Variants in TNS3 observed in about 807,000 individuals in gnomAD.
TNS3 encodes tensin 3.
A neutral mutation model predicts 140.9 loss-of-function variants in TNS3; 45 were observed. The observed-to-expected ratio is 0.32, with a 90% CI of 0.25 to 0.41. TNS3 has a LOEUF of 0.41. Ranked by LOEUF, TNS3 falls within the 10% of genes least tolerant of loss-of-function variation. The pLI, the probability that TNS3 is intolerant of heterozygous loss-of-function variation, is 1.00. For synonymous variants in TNS3, 815 were observed against 788.4 expected, an observed-to-expected ratio of 1.03 and a Z score of -0.56; for missense variants, 1,716 against 1,906.7, an observed-to-expected ratio of 0.90 and a Z score of 1.86.
intron 17 of TNS3, among the ~76,000 whole-genome samples, chr7:47,357,413 T>G (rs1294578695): frequency 6.6e-6 from 1 of 152,044 alleles, no homozygotes; most frequent in Non-Finnish European, 1.5e-5. Flanking sequence ...TTCGAGACAG[T>G]GTGTAAAAGG....
At chr7:47,415,620 C>G (rs551366187) in intron 10 of TNS3, among the ~76,000 whole-genome samples, 1 of 152,258 alleles carries the variant, frequency 6.6e-6, no homozygotes, top group Non-Finnish European at 1.5e-5. Flanking sequence ...TCACATGACC[C>G]AGGCCCAGAA....
chr7:47,333,464 G>A (rs989070169), intron 20 of TNS3, among the ~76,000 whole-genome samples: 1 of 152,144 alleles, frequency 6.6e-6, no homozygotes, highest in Non-Finnish European at 1.5e-5. Flanking sequence ...TAAACCCATG[G>A]AGAAATCCAT....
intron 1 of TNS3, among the ~76,000 whole-genome samples, chr7:47,576,408 C>G (rs1800676850): frequency 6.6e-6 from 1 of 152,210 alleles, no homozygotes; most frequent in African/African-American, 2.4e-5. Flanking sequence ...TCACAATAAC[C>G]CCAGGACCTC....
intron 4 of TNS3, among the ~76,000 whole-genome samples, chr7:47,472,270 G>A (rs574477591): frequency 1.5e-4 from 23 of 152,248 alleles, no homozygotes; most frequent in African/African-American, 3.6e-4. Flanking sequence ...CATGAATTTC[G>A]GGGGAACACA....
At chr7:47,551,176 G>C (rs10464238) in intron 1 of TNS3, among the ~76,000 whole-genome samples, 46,142 of 152,162 alleles carry the variant, frequency 0.3, 7,178 homozygotes, top group East Asian at 0.41. Flanking sequence ...AAATGGGCAA[G>C]GTGGGCTCCC....
intron 17 of TNS3, among the ~76,000 whole-genome samples, chr7:47,356,562 C>T (rs1321715377): frequency 6.6e-6 from 1 of 152,182 alleles, no homozygotes; most frequent in Non-Finnish European, 1.5e-5. Flanking sequence ...AACCTCTGTT[C>T]TAAAAGAGAC....
intron 2 of TNS3, among the ~76,000 whole-genome samples, chr7:47,517,521 C>A (rs1157194248): frequency 1.3e-5 from 2 of 152,204 alleles, no homozygotes; most frequent in South Asian, 2.1e-4. Flanking sequence ...TAATACTCAC[C>A]AAACTAAATA....
intron 3 of TNS3, among the ~76,000 whole-genome samples, chr7:47,484,584 GAC>G (rs754587202): frequency 5.9e-5 from 9 of 152,184 alleles, no homozygotes; most frequent in Non-Finnish European, 1.0e-4. Flanking sequence ...GCATTTGCTG[GAC>G]AGTCAAGTGT....
intron 6 of TNS3, 116 bp from the exon 7 acceptor site, chr7:47,437,429 A>G (rs555873434): frequency 1.1e-5 from 4 of 357,974 alleles, no homozygotes; most frequent in African/African-American, 8.7e-5. Flanking sequence ...AATATCTAAA[A>G]TCTTCACACT....
Position 47,499,101 on chromosome 7 carries a change from T to C in TNS3, c.-115+7806A>G, listed in dbSNP as rs970676958. Among the ~76,000 whole-genome samples, 2 of 152,224 alleles carry C rather than the reference T, an allele frequency of 1.3e-5. 1 individual carries two copies. Among genetic ancestry groups the C allele is most frequent in the Admixed American group, 1.3e-4 (2 of 15,292 alleles). ...AATTCTTTTGTACAAAGTATAATTG[T>C]GCTGACATGAAAAGCCAAATGTGGC... On this transcript the variant is annotated intron_variant, in intron 3 of 30. Coordinates refer to ENST00000311160, the MANE Select transcript of TNS3 (RefSeq NM_022748.12).
At chr7:47,338,829 A>C (rs1562608548) in intron 20 of TNS3, among the ~76,000 whole-genome samples, 1 of 152,160 alleles carries the variant, frequency 6.6e-6, no homozygotes, top group Non-Finnish European at 1.5e-5. Flanking sequence ...TTTTGGTAGA[A>C]TGATTTTTTT....
rs141621795 is a variant in TNS3 at position 47,421,079 on chromosome 7, C to A, written c.473+3022G>T. Among the ~76,000 whole-genome samples the A allele has an allele frequency of 5.5e-3, 835 of 152,304 alleles. 7 individuals carry two copies. The highest frequency in any genetic ancestry group is 0.018 in the African/African-American group (729 of 41,558). On this transcript the variant is annotated intron_variant, in intron 10 of 30. Coordinates refer to ENST00000311160, the MANE Select transcript of TNS3 (RefSeq NM_022748.12). ...GCAGGCAACACTCAGGAGAGATCAGCTCCCCAAAGAAACAACTGGCTACCT... is the reference window on the plus strand; with the variant it reads ...GCAGGCAACACTCAGGAGAGATCAGATCCCCAAAGAAACAACTGGCTACCT...
At chr7:47,474,561 A>G in intron 4 of TNS3, among the ~76,000 whole-genome samples, 1 of 150,776 alleles carries the variant, frequency 6.6e-6, no homozygotes, top group South Asian at 2.1e-4. Flanking sequence ...CACACACAGC[A>G]CAACACACAC....
intron 4 of TNS3, among the ~76,000 whole-genome samples, chr7:47,464,375 G>A (rs1796615614): frequency 6.6e-6 from 1 of 152,168 alleles, no homozygotes; most frequent in African/African-American, 2.4e-5. Flanking sequence ...GAGTTTCTCA[G>A]GTGGAAGGAA....
intron 17 of TNS3, among the ~76,000 whole-genome samples, chr7:47,361,216 A>AAAAAAAAAAAAAAAAAAAAAAC (rs1790305357): frequency 1.4e-5 from 2 of 146,794 alleles, no homozygotes; most frequent in Admixed American, 6.9e-5. Flanking sequence ...CAAAAAAAAA[A>AAAAAAAAAAAAAAAAAAAAAAC]AAAAAAAACA....
intron 20 of TNS3, among the ~76,000 whole-genome samples, chr7:47,335,977 C>A (rs1788609185): frequency 6.6e-6 from 1 of 152,144 alleles, no homozygotes; most frequent in Non-Finnish European, 1.5e-5. Context: ...TCCTTTTAGG[C>A]CTCCCTATCT....
chr7:47,429,513 G>A (rs913107861), intron 8 of TNS3, among the ~76,000 whole-genome samples: 28 of 151,964 alleles, frequency 1.8e-4, no homozygotes, highest in Non-Finnish European at 2.6e-4. Context: ...GACTACAGGC[G>A]CCCGCCACCA....
intron 25 of TNS3, among the ~76,000 whole-genome samples, chr7:47,293,124 C>T (rs925166328): frequency 6.6e-6 from 1 of 152,224 alleles, no homozygotes; most frequent in Admixed American, 6.5e-5. Flanking sequence ...GTTTATCATT[C>T]TTATCATAGA....
chr7:47,444,171 A>G (rs1432458847), intron 4 of TNS3, among the ~76,000 whole-genome samples: 1 of 152,226 alleles, frequency 6.6e-6, no homozygotes, highest in African/African-American at 2.4e-5. Flanking sequence ...CAATAAGCCA[A>G]CATCTCAGGG....
Sources: gnomAD v4.1 joint callset for allele counts (sites outside exome capture counted in the v4.1 genomes callset) on GRCh38, gnomAD v4.1.1 for gene constraint, MANE v1.5 for transcripts, NCBI Gene and HGNC (gene_info 2026-07-23, HGNC 2026-07-21) for gene names.